The following FAM180A variants were observed in gnomAD, a reference collection of about 807,000 sequenced individuals.
The protein encoded by FAM180A is protein FAM180A.
In FAM180A, 14 loss-of-function variants were observed where a neutral mutation model predicts 15.3. That is an observed-to-expected ratio of 0.92 (90% CI 0.61 to 1.43). The LOEUF is 1.43. Ranked by LOEUF, FAM180A falls within the 40% of genes most tolerant of loss-of-function variation. The pLI is 0.00. For missense variants in FAM180A, 200 were observed against 220.8 expected (o/e 0.91, Z 0.60); for synonymous variants, 90 against 96.8 (o/e 0.93, Z 0.41).
At chr7:135,743,970 T>C (rs898371084) in intron 1 of FAM180A, among the ~76,000 whole-genome samples, 3 of 152,166 alleles carry the variant, frequency 2.0e-5, no homozygotes, top group African/African-American at 4.8e-5. Context: ...GATCAGAAAG[T>C]AGATGTTGAC....
chr7:135,747,422 A>C (rs1797046245), intron 1 of FAM180A, among the ~76,000 whole-genome samples: 1 of 152,214 alleles, frequency 6.6e-6, no homozygotes, highest in Non-Finnish European at 1.5e-5. Context: ...AGCTCAGCTC[A>C]AAAGACTTAT....
chr7:135,747,476 G>A (rs185612428), intron 1 of FAM180A, among the ~76,000 whole-genome samples: 1 of 152,172 alleles, frequency 6.6e-6, no homozygotes, highest in Non-Finnish European at 1.5e-5. Flanking sequence ...GTTTAACCAT[G>A]AGGAAATAAA....
At chr7:135,738,729 A>T (rs932059168) in intron 1 of FAM180A, among the ~76,000 whole-genome samples, 5 of 152,210 alleles carry the variant, frequency 3.3e-5, no homozygotes, top group Admixed American at 3.3e-4. Context: ...GCTAGGAGCA[A>T]ATAGCTCTGG....
At chr7:135,746,018 GA>G (rs139266690) in intron 1 of FAM180A, among the ~76,000 whole-genome samples, 9 of 150,968 alleles carry the variant, frequency 6.0e-5, no homozygotes, top group South Asian at 2.1e-4. Flanking sequence ...TGTTAAAAAT[GA>G]AAAAAAAATC....
intron 1 of FAM180A, among the ~76,000 whole-genome samples, chr7:135,748,164 C>T (rs946753026): frequency 6.6e-6 from 1 of 152,236 alleles, no homozygotes; most frequent in Non-Finnish European, 1.5e-5. Flanking sequence ...AGCACCTGCT[C>T]TCCAGACGGT....
chr7:135,739,947 T>A (rs1192034137), intron 1 of FAM180A, among the ~76,000 whole-genome samples: 1 of 152,208 alleles, frequency 6.6e-6, no homozygotes, highest in African/African-American at 2.4e-5. Flanking sequence ...ATCCCTGCAC[T>A]AATGGTCGCC....
At chr7:135,747,812 T>A (rs568746365) in intron 1 of FAM180A, among the ~76,000 whole-genome samples, 78 of 152,208 alleles carry the variant, frequency 5.1e-4, no homozygotes, top group African/African-American at 1.7e-3. Flanking sequence ...AGTGATAAAC[T>A]CTGGCTCGAG....
At chr7:135,748,277 C>T (rs1220998639) in intron 1 of FAM180A, among the ~76,000 whole-genome samples, 9 of 152,178 alleles carry the variant, frequency 5.9e-5, no homozygotes, top group Non-Finnish European at 1.2e-4. Flanking sequence ...GGGGTACTCT[C>T]TGGGTTCTCC....
chr7:135,747,095 G>T, intron 1 of FAM180A, among the ~76,000 whole-genome samples: 1 of 152,222 alleles, frequency 6.6e-6, no homozygotes, highest in Non-Finnish European at 1.5e-5. Context: ...GTGAGACTCC[G>T]TCTCAAAAAT....
intron 2 of FAM180A, among the ~76,000 whole-genome samples, chr7:135,735,259 T>C (rs1796854854): frequency 6.6e-6 from 1 of 152,188 alleles, no homozygotes; most frequent in Admixed American, 6.5e-5. Flanking sequence ...AGTCAAGAAG[T>C]ACATCCTTGG....
chr7:135,734,015 T>G lies in FAM180A; in HGVS notation c.482A>C (p.His161Pro), dbSNP rs1317756331. ...CGGCTGTGAGGAGCGCATCAAGTCG[T>G]GCCTCAGGGCCTGGAAGAGGCTAAC... The part of the protein sequence containing the change: ...SLVSLFQALR[H>P]DLMRSSQPGV... The change falls in exon 3 of 4, where the codon CAC becomes CCC. Residue 161 changes from histidine (H) to proline (P), a missense_variant. Physicochemically the swap from His to Pro is moderately conservative, Grantham distance 77. Transcript: ENST00000338588. 6.2e-7 allele frequency: 1 copy of G among 1,613,086 alleles called. No individual in the cohort carries two copies. The highest frequency in any genetic ancestry group is 8.5e-7 in the Non-Finnish European group (1 of 1,179,494).
chr7:135,735,899 C>T (rs1796862922), intron 2 of FAM180A, among the ~76,000 whole-genome samples: 1 of 151,990 alleles, frequency 6.6e-6, no homozygotes, highest in Non-Finnish European at 1.5e-5. Flanking sequence ...GATGAGGTTT[C>T]ACCATGTTGG....
At position 135,733,072 on chromosome 7, in the gene FAM180A, G is replaced by C. The variant is rs551073534; in HGVS notation, c.*329+574C>G. On this transcript the variant is annotated intron_variant, in intron 3 of 3. Coordinates refer to ENST00000338588, the MANE Select transcript of FAM180A (RefSeq NM_205855.4). ...CCTGTTTCTCTTCTGTGTTATGCCAGCTTTCAGAAAAGAAGAGTTCAGACA... is the reference window on the plus strand; with the variant it reads ...CCTGTTTCTCTTCTGTGTTATGCCACCTTTCAGAAAAGAAGAGTTCAGACA... Among the ~76,000 whole-genome samples the C allele has an allele frequency of 2.6e-5, 4 of 152,280 alleles. No homozygotes were observed. The East Asian group carries it at 7.7e-4, about 29-fold the overall frequency.
chr7:135,741,881 G>A (rs1796955765), intron 1 of FAM180A, among the ~76,000 whole-genome samples: 1 of 151,890 alleles, frequency 6.6e-6, no homozygotes, highest in African/African-American at 2.4e-5. Context: ...GAATGTCACT[G>A]ATAAGGATCA....
Position 135,737,322 on chromosome 7 carries a change from C to T in FAM180A, c.77-123G>A, listed in dbSNP as rs964912054. 1.5e-5 allele frequency: 11 copies of T among 718,334 alleles called. No individual in the cohort carries two copies. The African/African-American group carries it at 2.0e-4, about 13-fold the overall frequency. The allele number at this position is 718,334 out of a possible 1,614,324, so 44.5% of individuals were successfully genotyped here. The stretch of plus-strand genomic sequence containing the variant: ...ACTGACTTGGCCAGGCACGGTGGCT[C>T]ATGCCTCTAATTCCAGCCCTTTGGG... On this transcript the variant is annotated intron_variant, in intron 1 of 3. Transcript: ENST00000338588.
chr7:135,736,111 C>T (rs1246105755), intron 2 of FAM180A, among the ~76,000 whole-genome samples: 3 of 151,920 alleles, frequency 2.0e-5, no homozygotes, highest in African/African-American at 7.3e-5. Flanking sequence ...CAACCTCCAC[C>T]TCCCGGGTTC....
Position 135,729,623 on chromosome 7 carries a change from A to G in FAM180A, c.*988T>C. 2 of 983,958 alleles carry G rather than the reference A, an allele frequency of 2.0e-6. No homozygotes were observed. Among genetic ancestry groups the G allele is most frequent in the East Asian group, 1.1e-4 (1 of 8,820 alleles). The allele number at this position is 983,958 out of a possible 1,614,324, so 61.0% of individuals were successfully genotyped here. On this transcript the variant is annotated 3_prime_UTR_variant, in exon 4 of 4. Transcript: ENST00000338588. ...TGAGCAACTCAATCATGACATCTTT[A>G]TTATACCATAGATGAATATTTGTTA...
rs912905699 is a variant in FAM180A at position 135,729,627 on chromosome 7, T to C, written c.*984A>G. 5.1e-6 allele frequency: 5 copies of C among 983,952 alleles called. No individual in the cohort carries two copies. The highest frequency in any genetic ancestry group is 5.3e-4 in the Middle Eastern group (1 of 1,904). 61.0% of individuals were successfully genotyped at this position (983,952 alleles called of 1,614,324 possible). ...CAACTCAATCATGACATCTTTATTA[T>C]ACCATAGATGAATATTTGTTAAATA... is the stretch of plus-strand genomic sequence containing the variant. On this transcript the variant is annotated 3_prime_UTR_variant, in exon 4 of 4. Transcript: ENST00000338588.
chr7:135,737,227 G>A lies in FAM180A; in HGVS notation c.77-28C>T, dbSNP rs1796885106. ...GAAAGAAAGAAAACAGTGAGTTCCTGGCTGCTGTGTGCGCCCAGACCTTCT... is the reference window on the plus strand; with the variant it reads ...GAAAGAAAGAAAACAGTGAGTTCCTAGCTGCTGTGTGCGCCCAGACCTTCT... On this transcript the variant is annotated intron_variant, in intron 1 of 3. Transcript: ENST00000338588. 2.6e-6 allele frequency: 4 copies of A among 1,530,164 alleles called. No homozygotes were observed. In the South Asian group the frequency reaches 3.8e-5, roughly 14 times the overall value. The allele number at this position is 1,530,164 out of a possible 1,614,324, so 94.8% of individuals were successfully genotyped here.
Sources: allele counts gnomAD v4.1 joint callset (sites outside exome capture counted in the v4.1 genomes callset), GRCh38; gene constraint gnomAD v4.1.1; transcripts MANE v1.5; gene names NCBI Gene and HGNC (gene_info 2026-07-23, HGNC 2026-07-21).